COL22A1: variants seen among roughly 807,000 people sequenced by gnomAD.
The protein encoded by COL22A1 is collagen alpha-1(XXII) chain.
COL22A1 carries 221 observed loss-of-function variants against 248.9 expected under a neutral mutation model. That is an observed-to-expected ratio of 0.89 (90% CI 0.80 to 0.99). The LOEUF (loss-of-function observed/expected upper bound fraction) is 0.99. Ranked by LOEUF, COL22A1 falls within the 50% of genes least tolerant of loss-of-function variation. The pLI, the probability that COL22A1 is intolerant of heterozygous loss-of-function variation, is 0.00. For missense variants in COL22A1, 2,240 were observed against 2,179.0 expected (o/e 1.03, Z -0.56); for synonymous variants, 891 against 793.4 (o/e 1.12, Z -2.07).
At chr8:138,891,571 T>C (rs1251649363) in intron 1 of COL22A1, among the ~76,000 whole-genome samples, 1 of 152,190 alleles carries the variant, frequency 6.6e-6, no homozygotes, top group Non-Finnish European at 1.5e-5. Context: ...ATTAGCTCCA[T>C]TGTACAGAGT....
chr8:138,804,278 T>C lies in COL22A1; in HGVS notation c.1495-1344A>G, dbSNP rs180976180. On this transcript the variant is annotated intron_variant, in intron 10 of 64. Coordinates refer to ENST00000303045, the MANE Select transcript of COL22A1 (RefSeq NM_152888.3). ...AGCCTTTGACTCAGGGTCCTAACCA[T>C]GGTTTGGGACAATGTGACGGATGAC... 1.8e-3 allele frequency among the ~76,000 whole-genome samples: 267 copies of C among 152,124 alleles called. 2 individuals carry two copies. In the South Asian group the frequency reaches 0.027, roughly 16 times the overall value.
intron 11 of COL22A1, among the ~76,000 whole-genome samples, chr8:138,798,223 T>C (rs899900525): frequency 6.6e-6 from 1 of 151,698 alleles, no homozygotes; most frequent in African/African-American, 2.4e-5. Flanking sequence ...TTATAAACTT[T>C]CTTAAAATTT....
At chr8:138,882,584 T>TTA (rs386414196) in intron 2 of COL22A1, among the ~76,000 whole-genome samples, 1 of 6,938 alleles carries the variant, frequency 1.4e-4, no homozygotes, top group African/African-American at 5.5e-4. Context: ...TCCCACACAC[T>TTA]GTCAAACTCA....
chr8:138,721,633 G>T (rs1307172004), intron 26 of COL22A1, among the ~76,000 whole-genome samples: 1 of 151,908 alleles, frequency 6.6e-6, no homozygotes, highest in Non-Finnish European at 1.5e-5. Context: ...TCTCTCTGTT[G>T]CCCAGGCTAT....
At chr8:138,727,063 T>A (rs1010240992) in intron 23 of COL22A1, among the ~76,000 whole-genome samples, 34 of 152,182 alleles carry the variant, frequency 2.2e-4, no homozygotes, top group African/African-American at 8.2e-4. Flanking sequence ...TTCCTGATAG[T>A]CCTCACGCAG....
intron 23 of COL22A1, among the ~76,000 whole-genome samples, chr8:138,726,122 G>A (rs1017180135): frequency 2.0e-5 from 3 of 150,702 alleles, no homozygotes; most frequent in South Asian, 2.2e-4. Context: ...AAACAGAAAC[G>A]TAAGACCCGT....
intron 1 of COL22A1, among the ~76,000 whole-genome samples, chr8:138,889,224 C>T (rs1824877481): frequency 6.6e-6 from 1 of 152,178 alleles, no homozygotes; most frequent in Non-Finnish European, 1.5e-5. Context: ...ACTAAACCCA[C>T]ACTCTTTCCC....
At chr8:138,775,596 G>A (rs1459645620) in intron 16 of COL22A1, among the ~76,000 whole-genome samples, 7 of 152,144 alleles carry the variant, frequency 4.6e-5, no homozygotes, top group Admixed American at 1.3e-4. Context: ...GAGAAGTTAT[G>A]TAACTTGCCA....
chr8:138,724,406 C>T (rs28726333), intron 25 of COL22A1, among the ~76,000 whole-genome samples: 1 of 151,966 alleles, frequency 6.6e-6, no homozygotes, highest in African/African-American at 2.4e-5. Flanking sequence ...GCCAGGGCAC[C>T]CAGGGAGCCT....
intron 12 of COL22A1, among the ~76,000 whole-genome samples, chr8:138,793,187 C>A (rs923254353): frequency 2.0e-5 from 3 of 152,212 alleles, no homozygotes; most frequent in Admixed American, 6.5e-5. Context: ...CTCAATCCAA[C>A]CTATGCGTCA....
chr8:138,716,415 T>A, intron 28 of COL22A1, 126 bp from the exon 29 acceptor site: 2 of 665,006 alleles, frequency 3.0e-6, no homozygotes, highest in Non-Finnish European at 5.2e-6. Flanking sequence ...GGACATCACA[T>A]GGAAAGCAAT....
intron 30 of COL22A1, 44 bp from the exon 31 acceptor site, chr8:138,703,391 C>T (rs1314881329): frequency 6.4e-7 from 1 of 1,561,286 alleles, no homozygotes. Context: ...ATCTTCCTCC[C>T]AACTCTGCTT....
intron 30 of COL22A1, 91 bp downstream of exon 30, chr8:138,715,591 A>G: frequency 1.3e-6 from 1 of 777,804 alleles, no homozygotes; most frequent in Non-Finnish European, 2.0e-6. Context: ...AAAAAAAAAA[A>G]AGATAGAGTA....
intron 64 of COL22A1, among the ~76,000 whole-genome samples, chr8:138,590,170 C>T (rs1008490274): frequency 1.3e-5 from 2 of 152,090 alleles, no homozygotes. Context: ...AGTGCTAAGC[C>T]TTGTGGTTAA....
In COL22A1 at chr8:138,638,259, C is replaced by T. The variant is rs1447642235; in HGVS notation, c.3502-1464G>A. Among the ~76,000 whole-genome samples, 76 of 152,138 alleles carry T rather than the reference C, an allele frequency of 5.0e-4. 1 individual carries two copies. Among genetic ancestry groups the T allele is most frequent in the Non-Finnish European group, 7.4e-5 (5 of 68,016 alleles). On this transcript the variant is annotated intron_variant, in intron 47 of 64. Coordinates refer to ENST00000303045, the MANE Select transcript of COL22A1 (RefSeq NM_152888.3). ...TTTTAAAACAAAAACATTTCAATTCCTTTAAAAGAATGCATTATGCACTAA... is the reference window on the plus strand; with the variant it reads ...TTTTAAAACAAAAACATTTCAATTCTTTTAAAAGAATGCATTATGCACTAA...
At chr8:138,664,545 G>T (rs1824330399) in intron 41 of COL22A1, among the ~76,000 whole-genome samples, 1 of 152,018 alleles carries the variant, frequency 6.6e-6, no homozygotes, top group South Asian at 2.1e-4. Context: ...GCCTCCTCTG[G>T]CTTCTCCCAG....
chr8:138,853,302 A>G (rs1296386781), intron 3 of COL22A1, among the ~76,000 whole-genome samples: 1 of 152,240 alleles, frequency 6.6e-6, no homozygotes, highest in East Asian at 1.9e-4. Flanking sequence ...TGGAGACAAC[A>G]GGGACAGCAA....
At chr8:138,812,325 T>G (rs1026069129) in intron 8 of COL22A1, among the ~76,000 whole-genome samples, 6 of 152,118 alleles carry the variant, frequency 3.9e-5, no homozygotes, top group Non-Finnish European at 8.8e-5. Flanking sequence ...GCTGGCTGAG[T>G]TGGAACTGGG....
At chr8:138,899,984 T>G (rs1197494798) in intron 1 of COL22A1, among the ~76,000 whole-genome samples, 5 of 152,230 alleles carry the variant, frequency 3.3e-5, no homozygotes, top group Admixed American at 6.5e-5. Context: ...GGTATGATGA[T>G]GCAGATGATA....
Sources: gnomAD v4.1 joint callset for allele counts (sites outside exome capture counted in the v4.1 genomes callset) on GRCh38, gnomAD v4.1.1 for gene constraint, MANE v1.5 for transcripts, NCBI Gene and HGNC (gene_info 2026-07-23, HGNC 2026-07-21) for gene names.